Variants in CTNND2 observed in about 807,000 individuals in gnomAD.
CTNND2 encodes the protein catenin delta-2.
CTNND2 carries 22 observed loss-of-function variants against 144.4 expected under a neutral mutation model. The ratio of observed to expected loss-of-function variants is 0.15; its 90% CI spans 0.11 to 0.22. The LOEUF is 0.22. Among genes scored for constraint, CTNND2 ranks in the 10% least tolerant of loss-of-function variants. CTNND2 has a pLI of 1.00. For missense variants in CTNND2, 1,353 were observed against 1,618.8 expected, an observed-to-expected ratio of 0.84 and a Z score of 2.82; for synonymous variants, 751 against 695.6, an observed-to-expected ratio of 1.08 and a Z score of -1.25.
At chr5:11,190,386 A>G (rs2149813755) in intron 11 of CTNND2, among the ~76,000 whole-genome samples, 1 of 152,302 alleles carries the variant, frequency 6.6e-6, no homozygotes, top group Admixed American at 6.5e-5. Context: ...TGGTCTCCAT[A>G]AGATGTGCCC....
At chr5:11,419,589 C>A (rs10053037) in intron 3 of CTNND2, among the ~76,000 whole-genome samples, 7,405 of 152,286 alleles carry the variant, frequency 0.049, 335 homozygotes, top group African/African-American at 0.12. Context: ...AACCAATAAT[C>A]TTCAAGTTCA....
intron 3 of CTNND2, among the ~76,000 whole-genome samples, chr5:11,436,102 G>C (rs937341119): frequency 2.0e-5 from 3 of 151,994 alleles, no homozygotes; most frequent in Non-Finnish European, 4.4e-5. Flanking sequence ...GCTTGCTCTC[G>C]GGGGCTGGCA....
chr5:10,974,543 G>T (rs982977652), intron 21 of CTNND2, among the ~76,000 whole-genome samples: 4 of 152,074 alleles, frequency 2.6e-5, no homozygotes, highest in African/African-American at 9.7e-5. Context: ...CTAGTCCCTG[G>T]GGTCCCTTTT....
intron 1 of CTNND2, among the ~76,000 whole-genome samples, chr5:11,791,970 T>C (rs372311807): frequency 7.9e-5 from 12 of 152,296 alleles, no homozygotes; most frequent in South Asian, 4.1e-4. Flanking sequence ...GAGGATGCCA[T>C]GCCAAGAAAG....
chr5:11,650,135 G>A (rs959952263), intron 2 of CTNND2, among the ~76,000 whole-genome samples: 4 of 152,166 alleles, frequency 2.6e-5, no homozygotes, highest in South Asian at 2.1e-4. Context: ...TGATTGGATC[G>A]TGGGGGTGAT....
At chr5:11,850,730 A>G (rs751845945) in intron 1 of CTNND2, among the ~76,000 whole-genome samples, 10 of 152,218 alleles carry the variant, frequency 6.6e-5, no homozygotes, top group Non-Finnish European at 1.5e-4. Context: ...ATGAAAAACA[A>G]AAGTTTCTAT....
intron 1 of CTNND2, among the ~76,000 whole-genome samples, chr5:11,852,342 T>C (rs1582005591): frequency 6.6e-6 from 1 of 152,194 alleles, no homozygotes; most frequent in Non-Finnish European, 1.5e-5. Flanking sequence ...TAATTAATTA[T>C]AGATGAAACT....
chr5:11,185,309 G>T (rs1735514392), intron 11 of CTNND2, among the ~76,000 whole-genome samples: 1 of 152,124 alleles, frequency 6.6e-6, no homozygotes, highest in Non-Finnish European at 1.5e-5. Flanking sequence ...TCAGTGGACT[G>T]CTCCTGGAGA....
At chr5:11,799,925 A>G (rs1011067463) in intron 1 of CTNND2, among the ~76,000 whole-genome samples, 2 of 152,166 alleles carry the variant, frequency 1.3e-5, no homozygotes, top group Admixed American at 6.5e-5. Context: ...CTACTACTCC[A>G]AACTCCCTCT....
At chr5:11,431,717 C>A (rs1160147631) in intron 3 of CTNND2, among the ~76,000 whole-genome samples, 1 of 152,110 alleles carries the variant, frequency 6.6e-6, no homozygotes, top group Non-Finnish European at 1.5e-5. Context: ...CTGAGCCCTG[C>A]CCCTACAGTA....
At chr5:11,716,057 T>C (rs1403405477) in intron 2 of CTNND2, among the ~76,000 whole-genome samples, 1 of 152,170 alleles carries the variant, frequency 6.6e-6, no homozygotes, top group Admixed American at 6.5e-5. Flanking sequence ...CCGCATCTGT[T>C]CAAGTAACCA....
intron 1 of CTNND2, among the ~76,000 whole-genome samples, chr5:11,793,220 C>T (rs1581893821): frequency 1.3e-5 from 2 of 152,272 alleles, no homozygotes; most frequent in African/African-American, 4.8e-5. Flanking sequence ...CTTTCCGAGG[C>T]CCCACGTCTG....
chr5:11,149,514 T>C (rs1561386219), intron 12 of CTNND2, among the ~76,000 whole-genome samples: 1 of 152,176 alleles, frequency 6.6e-6, no homozygotes, highest in Non-Finnish European at 1.5e-5. Flanking sequence ...TAAGTTACCA[T>C]AAGAGAAGTG....
At chr5:11,126,233 G>A (rs1174083231) in intron 12 of CTNND2, among the ~76,000 whole-genome samples, 2 of 152,122 alleles carry the variant, frequency 1.3e-5, no homozygotes, top group African/African-American at 2.4e-5. Context: ...CCCGGGATGC[G>A]GAGGTTGCGG....
intron 9 of CTNND2, among the ~76,000 whole-genome samples, chr5:11,280,995 A>AT (rs200578555): frequency 0.013 from 2,052 of 152,352 alleles, 28 homozygotes; most frequent in Non-Finnish European, 0.021. Flanking sequence ...GGAAGAAAAA[A>AT]GCGAAAGAAA....
chr5:11,527,653 T>C (rs998227374), intron 3 of CTNND2, among the ~76,000 whole-genome samples: 2 of 152,222 alleles, frequency 1.3e-5, no homozygotes, highest in African/African-American at 4.8e-5. Context: ...CTAGTGATAG[T>C]TTCTCACCAA....
chr5:11,466,277 A>AT (rs150463497), intron 3 of CTNND2, among the ~76,000 whole-genome samples: 2,193 of 152,170 alleles, frequency 0.014, 51 homozygotes, highest in African/African-American at 0.049. Flanking sequence ...ACATAAAACC[A>AT]TTTTTAAATA....
chr5:10,982,288 C>T (rs530394032), intron 20 of CTNND2, among the ~76,000 whole-genome samples: 1 of 152,364 alleles, frequency 6.6e-6, no homozygotes, highest in South Asian at 2.1e-4. Flanking sequence ...GATCATCTTT[C>T]AGACAGTTCA....
At chr5:11,477,065 T>C (rs1295404980) in intron 3 of CTNND2, among the ~76,000 whole-genome samples, 3 of 152,226 alleles carry the variant, frequency 2.0e-5, no homozygotes, top group African/African-American at 7.2e-5. Context: ...TGGAATAGGC[T>C]GAATGTCAAG....
Sources: allele counts gnomAD v4.1 joint callset (sites outside exome capture counted in the v4.1 genomes callset), GRCh38; gene constraint gnomAD v4.1.1; transcripts MANE v1.5; gene names NCBI Gene and HGNC (gene_info 2026-07-23, HGNC 2026-07-21).